Variants in MTUS1 observed in about 807,000 individuals in gnomAD.
MTUS1 encodes microtubule-associated tumor suppressor 1.
A neutral mutation model predicts 120.8 loss-of-function variants in MTUS1; 109 were observed. That is an observed-to-expected ratio of 0.90 (90% CI 0.77 to 1.06). The LOEUF (loss-of-function observed/expected upper bound fraction) is 1.06, where lower values mean the gene tolerates loss of function less well. Ranked by LOEUF, MTUS1 falls within the 50% of genes least tolerant of loss-of-function variation. The pLI is 0.00. For missense variants in MTUS1, 2,210 were observed against 1,486.3 expected (o/e 1.49, Z -8.01); for synonymous variants, 737 against 550.5 (o/e 1.34, Z -4.74).
rs935741454 is a variant in MTUS1 at position 17,660,083 on chromosome 8, C to A, written c.2906-4018G>T. Among the ~76,000 whole-genome samples, 3 of 152,040 alleles carry A rather than the reference C, an allele frequency of 2.0e-5. No homozygotes were observed. In the East Asian group the frequency reaches 5.8e-4, roughly 30 times the overall value. ...TTCCTTTTGAAGGCTCAATATTATT[C>A]CATTGTTGGCCGGGTGCAGTGGCTC... On this transcript the variant is annotated intron_variant, in intron 8 of 14. Coordinates refer to ENST00000693296, the MANE Select transcript of MTUS1 (RefSeq NM_001363059.2).
intron 1 of MTUS1, among the ~76,000 whole-genome samples, chr8:17,756,862 G>T (rs1214133797): frequency 6.6e-6 from 1 of 152,152 alleles, no homozygotes; most frequent in Non-Finnish European, 1.5e-5. Context: ...ACTGAGAAGA[G>T]TAGGAGAGCT....
chr8:17,688,568 T>C (rs955542144), intron 6 of MTUS1, among the ~76,000 whole-genome samples: 1 of 152,208 alleles, frequency 6.6e-6, no homozygotes, highest in East Asian at 1.9e-4. Context: ...GAAAATTCCC[T>C]TTTTTCTGCC....
upstream of MTUS1, chr8:17,801,332 G>A (rs1439692436): frequency 1.3e-5 from 2 of 151,824 alleles, no homozygotes; most frequent in East Asian, 2.0e-4. Context: ...CCGAACTCGG[G>A]CCTCCCGCCC....
At chr8:17,681,848 A>G (rs1181283906) in intron 7 of MTUS1, among the ~76,000 whole-genome samples, 2 of 120,318 alleles carry the variant, frequency 1.7e-5, no homozygotes, top group East Asian at 5.2e-4. Context: ...CACGCTGAGA[A>G]AAGTTGAAAA....
chr8:17,741,116 T>C (rs903054683), intron 3 of MTUS1, among the ~76,000 whole-genome samples: 12 of 152,156 alleles, frequency 7.9e-5, no homozygotes, highest in Non-Finnish European at 1.8e-4. Flanking sequence ...TGACCTCAGG[T>C]GATCCACCTG....
chr8:17,729,540 T>C (rs573985816), intron 3 of MTUS1, among the ~76,000 whole-genome samples: 13 of 152,276 alleles, frequency 8.5e-5, no homozygotes, highest in African/African-American at 3.1e-4. Context: ...ATATGCACTG[T>C]TTCTGTGAAT....
chr8:17,700,333 G>A (rs953155854), intron 6 of MTUS1, among the ~76,000 whole-genome samples: 1 of 151,962 alleles, frequency 6.6e-6, no homozygotes, highest in African/African-American at 2.4e-5. Context: ...AGCTGGGCAT[G>A]GTGACAGGGG....
intron 3 of MTUS1, among the ~76,000 whole-genome samples, chr8:17,733,515 A>T (rs959721168): frequency 9.9e-5 from 15 of 152,200 alleles, no homozygotes; most frequent in African/African-American, 2.7e-4. Context: ...CTCACTTTTA[A>T]TTTAAAATGC....
At chr8:17,751,023 A>AAATTAACATCCGACCG (rs1391157187) in intron 2 of MTUS1, among the ~76,000 whole-genome samples, 1 of 152,238 alleles carries the variant, frequency 6.6e-6, no homozygotes, top group African/African-American at 2.4e-5. Flanking sequence ...GCAACAGTAA[A>AAATTAACATCCGACCG]AATTAACATC....
intron 6 of MTUS1, among the ~76,000 whole-genome samples, chr8:17,685,266 C>A (rs1001088564): frequency 2.0e-5 from 3 of 152,124 alleles, no homozygotes; most frequent in East Asian, 3.9e-4. Context: ...CAAAATGCCA[C>A]GCTAAGTGAT....
intron 2 of MTUS1, among the ~76,000 whole-genome samples, chr8:17,744,875 A>G (rs2047626249): frequency 6.6e-6 from 1 of 151,992 alleles, no homozygotes; most frequent in Non-Finnish European, 1.5e-5. Context: ...AAATCTTTGA[A>G]TCCACCTATG....
chr8:17,710,660 G>T (rs995195909), intron 6 of MTUS1, among the ~76,000 whole-genome samples: 7 of 152,132 alleles, frequency 4.6e-5, no homozygotes, highest in Non-Finnish European at 8.8e-5. Context: ...CATGAATCAC[G>T]AATGTTCTTA....
At chr8:17,669,340 A>G (rs1317203445) in intron 8 of MTUS1, among the ~76,000 whole-genome samples, 1 of 152,146 alleles carries the variant, frequency 6.6e-6, no homozygotes, top group Non-Finnish European at 1.5e-5. Flanking sequence ...CTCCAGGCAG[A>G]GAGGATACCG....
chr8:17,755,964 G>A lies in MTUS1; in HGVS notation c.-154-3C>T. The A allele has an allele frequency of 1.4e-6, 2 of 1,407,574 alleles. No homozygotes were observed. Among genetic ancestry groups the A allele is most frequent in the Non-Finnish European group, 1.8e-6 (2 of 1,086,726 alleles). The allele number at this position is 1,407,574 out of a possible 1,614,324, so 87.2% of individuals were successfully genotyped here. On this transcript the variant is annotated splice_polypyrimidine_tract_variant and splice_region_variant and intron_variant, in intron 1 of 14. Transcript: ENST00000693296. ...AAGATTAAATGATTTGTTGTTCCCTGGAAGAAATAAAATGTTTAACTCAAG... is the reference window on the plus strand; with the variant it reads ...AAGATTAAATGATTTGTTGTTCCCTAGAAGAAATAAAATGTTTAACTCAAG...
intron 4 of MTUS1, among the ~76,000 whole-genome samples, chr8:17,718,217 C>A (rs1033607653): frequency 1.3e-5 from 2 of 152,158 alleles, no homozygotes; most frequent in Non-Finnish European, 2.9e-5. Context: ...TATTTCTGTT[C>A]CTAACATGGC....
chr8:17,747,024 T>A (rs749273334), intron 2 of MTUS1, among the ~76,000 whole-genome samples: 2 of 152,226 alleles, frequency 1.3e-5, no homozygotes, highest in African/African-American at 2.4e-5. Flanking sequence ...ACAGGATCTT[T>A]CTGGTCTCTC....
intron 2 of MTUS1, among the ~76,000 whole-genome samples, chr8:17,744,341 A>G (rs931954488): frequency 2.6e-5 from 4 of 152,184 alleles, no homozygotes; most frequent in African/African-American, 9.7e-5. Context: ...TCATCTACAT[A>G]ATAAGAACCT....
chr8:17,720,594 G>C (rs1268693026), intron 4 of MTUS1, among the ~76,000 whole-genome samples: 1 of 152,142 alleles, frequency 6.6e-6, no homozygotes, highest in Non-Finnish European at 1.5e-5. Context: ...TGGCCAAAGT[G>C]GAAGAGGAAG....
chr8:17,761,667 A>G (rs2049047446), intron 1 of MTUS1, among the ~76,000 whole-genome samples: 1 of 152,214 alleles, frequency 6.6e-6, no homozygotes, highest in Non-Finnish European at 1.5e-5. Context: ...TAAAATCAAG[A>G]ATGTTTCCAA....
Sources: gnomAD v4.1 joint callset for allele counts (sites outside exome capture counted in the v4.1 genomes callset) on GRCh38, gnomAD v4.1.1 for gene constraint, MANE v1.5 for transcripts, NCBI Gene and HGNC (gene_info 2026-07-23, HGNC 2026-07-21) for gene names.